ARHGAP24: variants seen among roughly 807,000 people sequenced by gnomAD.
ARHGAP24 encodes Rho GTPase activating protein 24.
ARHGAP24 carries 50 observed loss-of-function variants against 76.4 expected under a neutral mutation model. The ratio of observed to expected loss-of-function variants is 0.65; its 90% CI spans 0.52 to 0.83. The LOEUF (loss-of-function observed/expected upper bound fraction) is 0.83, where lower values mean the gene tolerates loss of function less well. Among genes scored for constraint, ARHGAP24 ranks in the 40% least tolerant of loss-of-function variants. The pLI is 0.00. For missense variants in ARHGAP24, 930 were observed against 914.2 expected (o/e 1.02, Z -0.22); for synonymous variants, 345 against 323.3 (o/e 1.07, Z -0.72).
intron 2 of ARHGAP24, among the ~76,000 whole-genome samples, chr4:85,675,033 A>G (rs1722929942): frequency 6.6e-6 from 1 of 152,214 alleles, no homozygotes; most frequent in South Asian, 2.1e-4. Flanking sequence ...CTTGAGCAGT[A>G]TTTTGAAGAA....
At chr4:85,930,571 A>G in intron 4 of ARHGAP24, 1 of 1,038,100 alleles carries the variant, frequency 9.6e-7, no homozygotes, top group South Asian at 3.5e-5. Context: ...TTCTTAATAA[A>G]AACAAAAAAA....
chr4:85,779,058 C>G (rs1202456694), intron 3 of ARHGAP24: 1 of 866,074 alleles, frequency 1.2e-6, no homozygotes, highest in African/African-American at 1.8e-5. Context: ...CCCTCTTCAC[C>G]TCTATTTTGA....
At chr4:85,574,295 T>A (rs1727272549) in intron 2 of ARHGAP24, among the ~76,000 whole-genome samples, 1 of 152,154 alleles carries the variant, frequency 6.6e-6, no homozygotes, top group Non-Finnish European at 1.5e-5. Context: ...AAAGCAAAAT[T>A]ATAATAATGA....
chr4:85,963,266 T>C (rs1247975403), intron 5 of ARHGAP24, among the ~76,000 whole-genome samples: 1 of 152,068 alleles, frequency 6.6e-6, no homozygotes, highest in Non-Finnish European at 1.5e-5. Flanking sequence ...AATACTAGTG[T>C]CATTTGCAGT....
chr4:85,865,418 A>G (rs1340913641), intron 3 of ARHGAP24, among the ~76,000 whole-genome samples: 2 of 149,522 alleles, frequency 1.3e-5, no homozygotes, highest in African/African-American at 2.4e-5. Flanking sequence ...CCATGCCATT[A>G]TTTTCTATCA....
intron 2 of ARHGAP24, among the ~76,000 whole-genome samples, chr4:85,608,073 A>T (rs1371440547): frequency 6.6e-6 from 1 of 152,192 alleles, no homozygotes; most frequent in African/African-American, 2.4e-5. Context: ...CTTCTATTTA[A>T]GAGCCTTCTT....
intron 1 of ARHGAP24, among the ~76,000 whole-genome samples, chr4:85,548,037 T>TC: frequency 6.6e-6 from 1 of 151,188 alleles, no homozygotes; most frequent in African/African-American, 2.4e-5. Context: ...ATTCTATGTC[T>TC]ATAATCCATT....
chr4:85,858,093 T>A (rs1731687918), intron 3 of ARHGAP24, among the ~76,000 whole-genome samples: 1 of 152,236 alleles, frequency 6.6e-6, no homozygotes, highest in South Asian at 2.1e-4. Context: ...GAGAAAAAAA[T>A]GTAGAATAAA....
intron 2 of ARHGAP24, among the ~76,000 whole-genome samples, chr4:85,607,757 A>T (rs1401904820): frequency 1.2e-5 from 1 of 80,338 alleles, no homozygotes. Flanking sequence ...GGAAGTATCA[A>T]AAATACTTCC....
intron 6 of ARHGAP24, 40 bp from the exon 7 acceptor site, chr4:85,974,848 C>A (rs376689835): frequency 6.3e-7 from 1 of 1,583,650 alleles, no homozygotes; most frequent in Non-Finnish European, 8.7e-7. Flanking sequence ...CTAAGGCCAA[C>A]GTGTAGAAAA....
intron 1 of ARHGAP24, among the ~76,000 whole-genome samples, chr4:85,547,655 C>CA (rs1725970369): frequency 6.6e-6 from 1 of 152,066 alleles, no homozygotes; most frequent in African/African-American, 2.4e-5. Context: ...AGGCTGGTCT[C>CA]AAACACCTGA....
At chr4:85,838,782 C>A (rs2110145225) in intron 3 of ARHGAP24, among the ~76,000 whole-genome samples, 1 of 152,130 alleles carries the variant, frequency 6.6e-6, no homozygotes, top group South Asian at 2.1e-4. Flanking sequence ...CACCTTCCCT[C>A]CCCCACTAAG....
chr4:85,536,251 C>T (rs536421090), intron 1 of ARHGAP24, among the ~76,000 whole-genome samples: 1 of 152,158 alleles, frequency 6.6e-6, no homozygotes, highest in African/African-American at 2.4e-5. Context: ...GTGGCAAGTG[C>T]CACAAAAGAG....
intron 1 of ARHGAP24, among the ~76,000 whole-genome samples, chr4:85,564,423 A>G (rs1164905760): frequency 7.0e-6 from 1 of 143,100 alleles, no homozygotes; most frequent in Non-Finnish European, 1.5e-5. Context: ...GGATAGCATT[A>G]GGAGATATAC....
At position 85,655,802 on chromosome 4, in the gene ARHGAP24, G is replaced by T. The variant is rs1293884259; in HGVS notation, c.181-66083G>T. ...ATATATATATATATATAGAGAGAGA[G>T]AGAGAGAGAGAGAGAAAGAGAGAGA... On this transcript the variant is annotated intron_variant, in intron 2 of 9. Transcript: ENST00000395184. 7.2e-3 allele frequency among the ~76,000 whole-genome samples: 405 copies of T among 56,294 alleles called. 4 individuals are homozygous for T. The highest frequency in any genetic ancestry group is 0.046 in the East Asian group (64 of 1,400). 36.9% of individuals were successfully genotyped at this position (56,294 alleles called of 152,430 possible). A position where few individuals can be genotyped will look rare whatever the true frequency, so the allele number is the denominator to read the frequency against.
intron 3 of ARHGAP24, among the ~76,000 whole-genome samples, chr4:85,736,939 C>A (rs1459431399): frequency 6.6e-6 from 1 of 152,146 alleles, no homozygotes; most frequent in Non-Finnish European, 1.5e-5. Context: ...ACTCAGCTTT[C>A]TTTAATGAAA....
intron 2 of ARHGAP24, among the ~76,000 whole-genome samples, chr4:85,689,023 C>T (rs1278268608): frequency 3.3e-5 from 5 of 152,036 alleles, no homozygotes; most frequent in Non-Finnish European, 7.4e-5. Context: ...ATTGCTTTGG[C>T]TATTTGGGCT....
chr4:85,678,082 A>T (rs1723052551), intron 2 of ARHGAP24, among the ~76,000 whole-genome samples: 1 of 151,932 alleles, frequency 6.6e-6, no homozygotes, highest in Non-Finnish European at 1.5e-5. Context: ...AAAAAAGGCT[A>T]TTCCTGGCCT....
At chr4:85,823,206 C>T (rs557919224) in intron 3 of ARHGAP24, among the ~76,000 whole-genome samples, 1 of 152,136 alleles carries the variant, frequency 6.6e-6, no homozygotes, top group Non-Finnish European at 1.5e-5. Flanking sequence ...ATTTCACTAC[C>T]TAGAGATAAA....
Sources: allele counts gnomAD v4.1 joint callset (sites outside exome capture counted in the v4.1 genomes callset), GRCh38; gene constraint gnomAD v4.1.1; transcripts MANE v1.5; gene names NCBI Gene and HGNC (gene_info 2026-07-23, HGNC 2026-07-21).